Variants in VPS13D observed in about 807,000 individuals in gnomAD.
VPS13D encodes intermembrane lipid transfer protein VPS13D.
VPS13D carries 187 observed loss-of-function variants against 461.9 expected under a neutral mutation model. The observed-to-expected ratio is 0.40, with a 90% CI of 0.36 to 0.46. VPS13D has a LOEUF of 0.46. Among genes scored for constraint, VPS13D ranks in the 20% least tolerant of loss-of-function variants. The probability of loss-of-function intolerance (pLI) is 0.60; values close to 1 mark genes in which losing one functional copy is unlikely to be tolerated. For missense variants in VPS13D, 4,711 were observed against 5,364.9 expected (o/e 0.88, Z 3.81); for synonymous variants, 1,951 against 1,986.3 (o/e 0.98, Z 0.47).
chr1:12,413,430 G>A (rs959761880), intron 63 of VPS13D, among the ~76,000 whole-genome samples: 4 of 152,052 alleles, frequency 2.6e-5, no homozygotes, highest in Non-Finnish European at 4.4e-5. Context: ...CCAAGATCCC[G>A]CCACTGTACT....
At chr1:12,504,088 A>C (rs1248154574) in intron 68 of VPS13D, among the ~76,000 whole-genome samples, 2 of 152,162 alleles carry the variant, frequency 1.3e-5, no homozygotes, top group African/African-American at 4.8e-5. Flanking sequence ...TCCATTAGAT[A>C]AGGGGTCTGG....
chr1:12,402,318 T>G (rs372033186), intron 62 of VPS13D, among the ~76,000 whole-genome samples: 2 of 152,352 alleles, frequency 1.3e-5, no homozygotes, highest in African/African-American at 2.4e-5. Flanking sequence ...TCTTTTCGAT[T>G]CCTCATCACA....
rs1036758646 is a variant in VPS13D at position 12,415,033 on chromosome 1, C to T, written c.12031-54C>T. On this transcript the variant is annotated intron_variant, in intron 63 of 69. Coordinates refer to ENST00000620676, the MANE Select transcript of VPS13D (RefSeq NM_015378.4). ...TTAATGGAATCTAGAATTATAGTAT[C>T]ACAGAAGGCCATCATATGACTTAAG... is the stretch of plus-strand genomic sequence containing the variant. 5.6e-6 allele frequency: 9 copies of T among 1,594,586 alleles called. No individual in the cohort carries two copies. In the Admixed American group the frequency reaches 1.2e-4, roughly 21 times the overall value.
intron 2 of VPS13D, among the ~76,000 whole-genome samples, chr1:12,237,661 AAAAT>A (rs980264331): frequency 3.3e-5 from 5 of 151,152 alleles, no homozygotes; most frequent in Admixed American, 6.6e-5. Flanking sequence ...TCTAAAAAAA[AAAAT>A]AAATAAATAA....
intron 30 of VPS13D, among the ~76,000 whole-genome samples, chr1:12,316,715 C>T (rs892970809): frequency 8.5e-5 from 13 of 152,288 alleles, no homozygotes; most frequent in Middle Eastern, 3.4e-3. Context: ...CATAGGAATA[C>T]CTTTTATGTC....
chr1:12,262,098 A>G lies in VPS13D; in HGVS notation c.1594+18A>G, dbSNP rs1641127091. 1.9e-6 allele frequency: 3 copies of G among 1,595,230 alleles called. No homozygotes were observed. Among genetic ancestry groups the G allele is most frequent in the Non-Finnish European group, 1.7e-6 (2 of 1,167,622 alleles). ...GTTTTCAGGTACACTGCCCCCAAGA[A>G]ACTACCTGCCACTGTTGTCTCTCTG... is the stretch of plus-strand genomic sequence containing the variant. On this transcript the variant is annotated intron_variant, in intron 13 of 69. Transcript: ENST00000620676.
In VPS13D at chr1:12,356,501, T is replaced by C. The variant is rs187854699; in HGVS notation, c.9975T>C (p.Tyr3325=). The C allele has an allele frequency of 4.3e-6, 7 of 1,613,956 alleles. No homozygotes were observed. The highest frequency in any genetic ancestry group is 1.1e-5 in the South Asian group (1 of 91,040). Residue 3325 remains tyrosine, a synonymous_variant, in exon 49 of 70, where the codon TAT becomes TAC. Transcript: ENST00000620676. ...GCCTGAGTCCTCTCTTATTCTGCTA[T>C]GCTGACAAAGAGCAGCCAAACCTGT... ...ARSLSPLLFC[Y]ADKEQPNLCT...
chr1:12,383,952 T>C (rs1357822227), intron 58 of VPS13D, among the ~76,000 whole-genome samples: 1 of 152,128 alleles, frequency 6.6e-6, no homozygotes, highest in East Asian at 1.9e-4. Flanking sequence ...AGGCTGGAGA[T>C]AGAAGCAGGG....
intron 21 of VPS13D, among the ~76,000 whole-genome samples, chr1:12,287,873 G>C (rs188884188): frequency 2.0e-5 from 3 of 152,142 alleles, no homozygotes; most frequent in Non-Finnish European, 4.4e-5. Flanking sequence ...ATCAAAATGA[G>C]ATTTAATGGA....
At position 12,299,101 on chromosome 1, in the gene VPS13D, A is replaced by C; in HGVS notation, c.6034-101A>C. ...ATAGAATATGCTCTGTATGATTTTA[A>C]TTGTTTTATAAACTCACGAAACTTT... On this transcript the variant is annotated intron_variant, in intron 24 of 69. Transcript: ENST00000620676. The surrounding 1 kb of genome is among the most constrained non-coding windows in gnomAD (Gnocchi z 4.2). 1 of 1,151,262 alleles carries C rather than the reference A, an allele frequency of 8.7e-7. No individual in the cohort carries two copies. The highest frequency in any genetic ancestry group is 1.2e-6 in the Non-Finnish European group (1 of 825,438). The allele number at this position is 1,151,262 out of a possible 1,614,324, so 71.3% of individuals were successfully genotyped here.
intron 49 of VPS13D, 69 bp downstream of exon 49, chr1:12,356,593 A>G: frequency 6.4e-7 from 1 of 1,558,900 alleles, no homozygotes; most frequent in Non-Finnish European, 8.7e-7. Flanking sequence ...TAAAGGCTAT[A>G]ATATATCCGT....
At chr1:12,480,315 C>A (rs1339721830) in intron 67 of VPS13D, among the ~76,000 whole-genome samples, 1 of 152,222 alleles carries the variant, frequency 6.6e-6, no homozygotes, top group Non-Finnish European at 1.5e-5. Flanking sequence ...TAGACTGTCC[C>A]AGGTGCATGT....
At chr1:12,442,363 C>T (rs2100346054) in intron 65 of VPS13D, among the ~76,000 whole-genome samples, 1 of 152,068 alleles carries the variant, frequency 6.6e-6, no homozygotes, top group Admixed American at 6.5e-5. Context: ...TACTAATCAC[C>T]TTCTAAGTGC....
chr1:12,236,460 C>T (rs1335659145), intron 2 of VPS13D, among the ~76,000 whole-genome samples: 9 of 151,994 alleles, frequency 5.9e-5, no homozygotes, highest in African/African-American at 2.2e-4. Context: ...ACCTCAATGC[C>T]ACCTTGACCT....
chr1:12,486,937 G>A (rs938290061), intron 67 of VPS13D, among the ~76,000 whole-genome samples: 7 of 152,054 alleles, frequency 4.6e-5, no homozygotes, highest in South Asian at 2.1e-4. Flanking sequence ...CCCTGGTTCC[G>A]CATGGCTTCC....
At chr1:12,384,589 T>C (rs988655489) in intron 58 of VPS13D, among the ~76,000 whole-genome samples, 20 of 152,164 alleles carry the variant, frequency 1.3e-4, no homozygotes, top group African/African-American at 4.8e-4. Flanking sequence ...CTCTCTGAGA[T>C]AGTGCATCAC....
At chr1:12,393,492 C>T (rs997857953) in intron 60 of VPS13D, among the ~76,000 whole-genome samples, 20 of 152,188 alleles carry the variant, frequency 1.3e-4, no homozygotes, top group Non-Finnish European at 2.8e-4. Flanking sequence ...AATGAAACCC[C>T]ACATCTGGTA....
chr1:12,348,153 T>C (rs1225577760), intron 44 of VPS13D, among the ~76,000 whole-genome samples: 1 of 152,242 alleles, frequency 6.6e-6, no homozygotes, highest in Non-Finnish European at 1.5e-5. Flanking sequence ...GGCACACCAA[T>C]GCAGACAATT....
At position 12,507,374 on chromosome 1, in the gene VPS13D, T is replaced by G. The variant is rs1281347207; in HGVS notation, c.13035+281T>G. The stretch of plus-strand genomic sequence containing the variant: ...ATGTAGTGAGGGTAACAATACTTAC[T>G]CTCGTTGGTGATAAGGAACAGCTAA... On this transcript the variant is annotated intron_variant, in intron 69 of 69. Transcript: ENST00000620676. This position sits in a 1 kb window ranked among gnomAD's most constrained non-coding sequence, Gnocchi z 5.3. 1.5e-6 allele frequency: 1 copy of G among 652,546 alleles called. No homozygotes were observed. Among genetic ancestry groups the G allele is most frequent in the African/African-American group, 1.8e-5 (1 of 56,578 alleles). 40.4% of individuals were successfully genotyped at this position (652,546 alleles called of 1,614,324 possible).
Sources: gnomAD v4.1 joint callset for allele counts (sites outside exome capture counted in the v4.1 genomes callset) on GRCh38, gnomAD v4.1.1 for gene constraint, Gnocchi (gnomAD v3.1) non-coding constraint, MANE v1.5 for transcripts, NCBI Gene and HGNC (gene_info 2026-07-23, HGNC 2026-07-21) for gene names.